The following SRCAP variants were observed in gnomAD, a reference collection of about 807,000 sequenced individuals.
The protein encoded by SRCAP is Snf2 related CREBBP activator protein, also known as chromatin remodeling protein SRCAP.
Under a neutral mutation model 263.1 loss-of-function variants are expected in SRCAP, and 46 were observed. That is an observed-to-expected ratio of 0.17 (90% CI 0.14 to 0.22). The LOEUF (loss-of-function observed/expected upper bound fraction) is 0.22, where lower values mean the gene tolerates loss of function less well. SRCAP is among the 10% of genes least tolerant of loss of function. SRCAP has a pLI of 1.00. For missense variants in SRCAP, 3,695 were observed against 4,181.9 expected, an observed-to-expected ratio of 0.88 and a Z score of 3.21; for synonymous variants, 1,813 against 1,662.1, an observed-to-expected ratio of 1.09 and a Z score of -2.21.
intron 3 of SRCAP, among the ~76,000 whole-genome samples, chr16:30,702,262 C>T (rs867553308): frequency 1.3e-5 from 2 of 151,766 alleles, no homozygotes; most frequent in African/African-American, 2.4e-5. Flanking sequence ...CCCAGAGTTT[C>T]GCTTTTGTTG....
rs779245111 is a variant in SRCAP, at chr16:30,724,972, A to G, written c.5548A>G (p.Thr1850Ala). 1.2e-6 allele frequency: 2 copies of G among 1,614,140 alleles called. No individual in the cohort carries two copies. Among genetic ancestry groups the G allele is most frequent in the Non-Finnish European group, 1.7e-6 (2 of 1,180,030 alleles). Reference protein sequence around the residue: ...RLPVSKDEPDTLTLRSGPPSP... With the variant: ...RLPVSKDEPDALTLRSGPPSP... ...GCCTGTTTCCAAGGATGAGCCTGAC[A>G]CACTGACATTGCGCTCTGGTCCCCC... is the stretch of plus-strand genomic sequence containing the variant. The change falls in exon 25 of 34, where the codon ACA (threonine) becomes GCA (alanine). Residue 1850 changes from threonine to alanine, a missense_variant. Thr to Ala is a moderately conservative substitution (Grantham distance 58, BLOSUM62 0). Coordinates refer to ENST00000262518, the MANE Select transcript of SRCAP (RefSeq NM_006662.3).
rs969086466 is a variant in SRCAP at position 30,723,641 on chromosome 16, C to T, written c.4217C>T (p.Ser1406Phe). 13 of 1,613,736 alleles carry T rather than the reference C, an allele frequency of 8.1e-6. No homozygotes were observed. The highest frequency in any genetic ancestry group is 1.1e-5 in the Non-Finnish European group (13 of 1,179,716). Residue 1406 changes from serine (S) to phenylalanine (F), a missense_variant, in exon 25 of 34, where the codon TCC (serine) becomes TTC (phenylalanine). This residue lies in a region of SRCAP where 1,347 missense variants were observed against 1,304.4 expected (regional missense o/e 1.03). Transcript: ENST00000262518. ...TCTTCTCCTCTCCACGTGCCATCCTCCCTCCCTGGGCCAGCCTCTTCTCCA... is the reference window on the plus strand; with the variant it reads ...TCTTCTCCTCTCCACGTGCCATCCTTCCTCCCTGGGCCAGCCTCTTCTCCA... ...TISSPLHVPS[S>F]LPGPASSPMP...
chr16:30,720,811 G>T lies in SRCAP; in HGVS notation c.3086G>T (p.Gly1029Val). 3 of 1,614,096 alleles carry T rather than the reference G, an allele frequency of 1.9e-6. No homozygotes were observed. The highest frequency in any genetic ancestry group is 2.5e-6 in the Non-Finnish European group (3 of 1,180,022). The change falls in exon 20 of 34, where the codon GGT becomes GTT. Residue 1029 changes from glycine (G) to valine (V), a missense_variant. Gly to Val is a moderately radical substitution (Grantham distance 109, BLOSUM62 -3). Around this residue, in one of 12 missense-constraint regions of SRCAP, gnomAD observed 1,347 missense variants for 1,304.4 expected, o/e 1.03. Coordinates refer to ENST00000262518, the MANE Select transcript of SRCAP (RefSeq NM_006662.3). The stretch of plus-strand genomic sequence containing the variant: ...CCTGTCCCAGTTCGACCTCCTCCAG[G>T]TCCTGAGCTCTCAGCCCAGCCCACC... ...LGPVPVRPPPGPELSAQPTPG... is the reference protein window; with the variant it reads ...LGPVPVRPPPVPELSAQPTPG...
At chr16:30,707,766 G>A (rs2052843605) in intron 6 of SRCAP, 54 bp downstream of exon 6, 7 of 1,602,030 alleles carry the variant, frequency 4.4e-6, no homozygotes, top group Non-Finnish European at 5.1e-6. Context: ...TTGGTAGATG[G>A]CGTGGTAGTA....
chr16:30,726,861 C>CT (rs2053069305), intron 25 of SRCAP, among the ~76,000 whole-genome samples: 1 of 152,152 alleles, frequency 6.6e-6, no homozygotes, highest in African/African-American at 2.4e-5. Context: ...GTCACCACGC[C>CT]TGGCTAATTT....
chr16:30,710,890 A>T (rs767996735), intron 9 of SRCAP, 43 bp downstream of exon 9: 4 of 1,608,908 alleles, frequency 2.5e-6, no homozygotes, highest in Non-Finnish European at 3.4e-6. Flanking sequence ...TACCCCTTGA[A>T]TGAATTGTCT....
chr16:30,722,257 T>C lies in SRCAP; in HGVS notation c.3677T>C (p.Leu1226Pro). Residue 1226 changes from leucine to proline, a missense_variant, in exon 22 of 34, where the codon CTT becomes CCT. Physicochemically the swap from Leu to Pro is moderately conservative, Grantham distance 98. Transcript: ENST00000262518. Reference protein sequence around the residue: ...LTLTGAQVRQLAVGQPRPLQR... With the variant: ...LTLTGAQVRQPAVGQPRPLQR... ...TTGACTGGTGCCCAGGTGCGCCAGCTTGCTGTGGGGCAGCCCCGCCCGCTG... is the reference window on the plus strand; with the variant it reads ...TTGACTGGTGCCCAGGTGCGCCAGCCTGCTGTGGGGCAGCCCCGCCCGCTG... 1 of 1,614,126 alleles carries C rather than the reference T, an allele frequency of 6.2e-7. No individual in the cohort carries two copies. Among genetic ancestry groups the C allele is most frequent in the Non-Finnish European group, 8.5e-7 (1 of 1,180,010 alleles).
chr16:30,709,842 C>T lies in SRCAP; in HGVS notation c.857-9C>T, dbSNP rs770770880. The T allele has an allele frequency of 2.5e-6, 4 of 1,613,764 alleles. No individual in the cohort carries two copies. Among genetic ancestry groups the T allele is most frequent in the East Asian group, 2.2e-5 (1 of 44,884 alleles). On this transcript the variant is annotated splice_polypyrimidine_tract_variant and intron_variant, in intron 7 of 33. Coordinates refer to ENST00000262518, the MANE Select transcript of SRCAP (RefSeq NM_006662.3). ...CCGTGGACTTTGTGACCTTGTTCTC[C>T]TGCTATAGATGGGGACTTTCAACCC...
intron 3 of SRCAP, among the ~76,000 whole-genome samples, chr16:30,702,057 A>G (rs112151754): frequency 3.0e-3 from 448 of 149,518 alleles, no homozygotes; most frequent in African/African-American, 0.011. Flanking sequence ...GGGTTCAAAC[A>G]ATTCTTCTGC....
Position 30,707,629 on chromosome 16 carries a change from C to G in SRCAP, c.550C>G (p.Arg184Gly). 1 of 1,614,046 alleles carries G rather than the reference C, an allele frequency of 6.2e-7. No individual in the cohort carries two copies. Among genetic ancestry groups the G allele is most frequent in the Non-Finnish European group, 8.5e-7 (1 of 1,179,990 alleles). Reference sequence around the variant, plus strand: ...GCAGCGGCAGAAAGAGGAACGGGCCCGGAGGGAGGAGCAGGCCAAGCTGCG... The same window carrying G: ...GCAGCGGCAGAAAGAGGAACGGGCCGGGAGGGAGGAGCAGGCCAAGCTGCG... ...EEQRQKEERARREEQAKLRRI... is the reference protein window; with the variant it reads ...EEQRQKEERAGREEQAKLRRI... Residue 184 changes from arginine to glycine, a missense_variant, in exon 6 of 34, where the codon CGG becomes GGG. Physicochemically the swap from Arg to Gly is moderately radical, Grantham distance 125. Transcript: ENST00000262518.
chr16:30,730,712 G>A (rs970120842), intron 27 of SRCAP, among the ~76,000 whole-genome samples: 1 of 150,652 alleles, frequency 6.6e-6, no homozygotes, highest in African/African-American at 2.5e-5. Context: ...TTACAGGTGT[G>A]AACCACTGCG....
chr16:30,706,602 C>T (rs1179892363), intron 4 of SRCAP, among the ~76,000 whole-genome samples: 4 of 152,158 alleles, frequency 2.6e-5, no homozygotes, highest in African/African-American at 7.2e-5. Context: ...AAACATTTCA[C>T]GTATAACGTT....
Position 30,739,093 on chromosome 16 carries a change from G to A in SRCAP, c.9053G>A (p.Arg3018Gln), listed in dbSNP as rs758528131. 1.9e-5 allele frequency: 31 copies of A among 1,614,120 alleles called. No homozygotes were observed. The highest frequency in any genetic ancestry group is 1.6e-4 in the Middle Eastern group (1 of 6,062). The change falls in exon 34 of 34, where the codon CGG (arginine) becomes CAG (glutamine). Residue 3018 changes from arginine (R) to glutamine (Q), a missense_variant. By Grantham distance (43) the Arg-to-Gln change is conservative. This residue lies in a region of SRCAP where 1,207 missense variants were observed against 1,142.9 expected (regional missense o/e 1.06). Transcript: ENST00000262518. ...CCTCCCAAGAATCCTCCATCACCTC[G>A]GCCCAGCCAGCTCCCCGTCTTGGAC... Reference protein sequence around the residue: ...GRPPKNPPSPRPSQLPVLDRD... With the variant: ...GRPPKNPPSPQPSQLPVLDRD...
At chr16:30,736,905 C>G in intron 33 of SRCAP, 144 bp from the exon 34 acceptor site, 1 of 949,202 alleles carries the variant, frequency 1.1e-6, no homozygotes, top group African/African-American at 1.6e-5. Flanking sequence ...AACTCCTGAC[C>G]TCAGGTGACC....
Position 30,722,171 on chromosome 16 carries a change from A to G in SRCAP, c.3591A>G (p.Pro1197=), listed in dbSNP as rs762031326. ...IGQLASLAQR[P]VANAGGSKPL... ...AGTTAGCCTCACTGGCACAACGTCC[A>G]GTGGCTAATGCAGGGGGAAGCAAAC... Residue 1197 remains proline (P), a synonymous_variant, in exon 22 of 34, where the codon CCA becomes CCG. Transcript: ENST00000262518. 2 of 1,614,180 alleles carry G rather than the reference A, an allele frequency of 1.2e-6. No homozygotes were observed. The highest frequency in any genetic ancestry group is 2.2e-5 in the East Asian group (1 of 44,880).
chr16:30,739,172 C>G lies in SRCAP; in HGVS notation c.9132C>G (p.Pro3044=), dbSNP rs2151301222. The change falls in exon 34 of 34, where the codon CCC becomes CCG. Residue 3044 remains proline, a synonymous_variant. Transcript: ENST00000262518. ...ESCGLGRRRQ[P]QGQGESEGSS... Reference sequence around the variant, plus strand: ...GTGGATTGGGGAGGCGACGGCAACCCCAGGGCCAAGGGGAGAGTGAGGGTA... The same window carrying G: ...GTGGATTGGGGAGGCGACGGCAACCGCAGGGCCAAGGGGAGAGTGAGGGTA... 6.2e-7 allele frequency: 1 copy of G among 1,614,026 alleles called. No individual in the cohort carries two copies. The highest frequency in any genetic ancestry group is 1.3e-5 in the African/African-American group (1 of 75,058).
intron 4 of SRCAP, among the ~76,000 whole-genome samples, chr16:30,704,934 G>C (rs1408619669): frequency 6.6e-6 from 1 of 152,222 alleles, no homozygotes; most frequent in Non-Finnish European, 1.5e-5. Flanking sequence ...CGTGCAGTCT[G>C]TATTACATTT....
At chr16:30,721,514 G>A in intron 21 of SRCAP, 38 bp downstream of exon 21, 2 of 1,593,974 alleles carry the variant, frequency 1.3e-6, no homozygotes, top group Non-Finnish European at 1.7e-6. Context: ...GACTTGAGAT[G>A]GGAGGAAAGC....
At position 30,737,496 on chromosome 16, in the gene SRCAP, C is replaced by T; in HGVS notation, c.7456C>T (p.Pro2486Ser). The change falls in exon 34 of 34, where the codon CCC becomes TCC. Residue 2486 changes from proline to serine, a missense_variant. Pro to Ser is a moderately conservative substitution (Grantham distance 74). Coordinates refer to ENST00000262518, the MANE Select transcript of SRCAP (RefSeq NM_006662.3). ...CCCTGTCCATATCTTGCCTTCTCCTCCCCCTCCTTCACAGATTCCTCCTTG... is the reference window on the plus strand; with the variant it reads ...CCCTGTCCATATCTTGCCTTCTCCTTCCCCTCCTTCACAGATTCCTCCTTG... ...ILPVHILPSP[P>S]PPSQIPPCSS... 4 of 1,596,652 alleles carry T rather than the reference C, an allele frequency of 2.5e-6. No individual in the cohort carries two copies. The highest frequency in any genetic ancestry group is 2.2e-5 in the East Asian group (1 of 44,766).
Sources: allele counts gnomAD v4.1 joint callset (sites outside exome capture counted in the v4.1 genomes callset), GRCh38; gene constraint gnomAD v4.1.1; regional missense constraint gnomAD v4.1.1; transcripts MANE v1.5; gene names NCBI Gene and HGNC (gene_info 2026-07-23, HGNC 2026-07-21).